Variants in FHOD3 observed in about 807,000 individuals in gnomAD.
The protein encoded by FHOD3 is formin homology 2 domain containing 3, also known as FH1/FH2 domain-containing protein 3.
Under a neutral mutation model 173.0 loss-of-function variants are expected in FHOD3, and 90 were observed. That is an observed-to-expected ratio of 0.52 (90% confidence interval 0.44 to 0.62). The LOEUF is 0.62. Ranked by LOEUF, FHOD3 falls within the 20% of genes least tolerant of loss-of-function variation. FHOD3 has a pLI of 0.00. For missense variants in FHOD3, 1,945 were observed against 2,034.7 expected (o/e 0.96, Z 0.85); for synonymous variants, 828 against 823.0 (o/e 1.01, Z -0.10).
chr18:36,497,527 G>T (rs933118194), intron 3 of FHOD3, among the ~76,000 whole-genome samples: 5 of 152,126 alleles, frequency 3.3e-5, no homozygotes, highest in Non-Finnish European at 7.4e-5. Context: ...GATAGAAAAA[G>T]ATACACCATT....
chr18:36,706,791 T>G (rs1261944914), intron 17 of FHOD3, among the ~76,000 whole-genome samples: 1 of 152,202 alleles, frequency 6.6e-6, no homozygotes. Flanking sequence ...CACCATATGC[T>G]TACCAATTAA....
intron 14 of FHOD3, among the ~76,000 whole-genome samples, chr18:36,661,539 A>G (rs2036802631): frequency 6.6e-6 from 1 of 152,176 alleles, no homozygotes; most frequent in Non-Finnish European, 1.5e-5. Flanking sequence ...AGGAAGTTCT[A>G]GAACTTCATT....
At chr18:36,575,898 G>C (rs1043214678) in intron 5 of FHOD3, among the ~76,000 whole-genome samples, 1 of 152,210 alleles carries the variant, frequency 6.6e-6, no homozygotes, top group Non-Finnish European at 1.5e-5. Flanking sequence ...GTATTTTCAT[G>C]ATACCTGATG....
chr18:36,418,765 A>G (rs1293213730), intron 3 of FHOD3, among the ~76,000 whole-genome samples: 1 of 152,060 alleles, frequency 6.6e-6, no homozygotes, highest in East Asian at 1.9e-4. Flanking sequence ...AATACAAAAA[A>G]TTAGCTGGGC....
At chr18:36,728,361 C>G (rs1050830480) in intron 19 of FHOD3, among the ~76,000 whole-genome samples, 4 of 152,196 alleles carry the variant, frequency 2.6e-5, no homozygotes, top group Non-Finnish European at 4.4e-5. Context: ...GCATTCCACA[C>G]ACAACATAAA....
rs1457455251 is a variant in FHOD3 at position 36,760,693 on chromosome 18, A to G, written c.4535A>G (p.Asn1512Ser). 3 of 1,613,308 alleles carry G rather than the reference A, an allele frequency of 1.9e-6. No homozygotes were observed. The East Asian group carries it at 6.7e-5, about 36-fold the overall frequency. ...SYAEDAAEHE[N>S]MKAVLKTSSP... ...GCGGAGGACGCGGCTGAGCACGAGA[A>G]CATGAAGGCTGTGCTGAAAACCTCG... Residue 1512 changes from asparagine (N) to serine (S), a missense_variant, in exon 27 of 29, where the codon AAC becomes AGC. Physicochemically the swap from Asn to Ser is conservative, Grantham distance 46. This residue lies in a region of FHOD3 where 354 missense variants were observed against 359.9 expected (regional missense o/e 0.98). Transcript: ENST00000590592.
chr18:36,359,546 CCTCTGATA>C (rs1182362575), intron 2 of FHOD3, among the ~76,000 whole-genome samples: 1 of 152,134 alleles, frequency 6.6e-6, no homozygotes, highest in African/African-American at 2.4e-5. Flanking sequence ...AGCCACTTTA[CCTCTGATA>C]GGAGTTCATA....
chr18:36,646,771 G>T (rs1378233074), intron 10 of FHOD3, among the ~76,000 whole-genome samples: 1 of 152,108 alleles, frequency 6.6e-6, no homozygotes. Flanking sequence ...TTAAGACCTG[G>T]TGTAAACAAC....
intron 28 of FHOD3, among the ~76,000 whole-genome samples, chr18:36,775,996 G>A (rs1600673102): frequency 6.6e-6 from 1 of 152,202 alleles, no homozygotes; most frequent in Admixed American, 6.5e-5. Context: ...ATTTGAGTGG[G>A]AAGTGGAAAT....
At chr18:36,592,427 C>T (rs531748361) in intron 6 of FHOD3, among the ~76,000 whole-genome samples, 348 of 152,340 alleles carry the variant, frequency 2.3e-3, no homozygotes, top group Non-Finnish European at 4.4e-3. Context: ...GTGTGAAAAA[C>T]GCTCACACAA....
Position 36,353,544 on chromosome 18 carries a change from A to G in FHOD3, c.166-1995A>G, listed in dbSNP as rs997072307. Among the ~76,000 whole-genome samples, 8 of 152,310 alleles carry G rather than the reference A, an allele frequency of 5.3e-5. No individual in the cohort carries two copies. In the East Asian group the frequency reaches 1.2e-3, roughly 22 times the overall value. On this transcript the variant is annotated intron_variant, in intron 1 of 28. Transcript: ENST00000590592. The stretch of plus-strand genomic sequence containing the variant: ...CATCTAGATGTTTTAAAGTAACCAC[A>G]TATTTGTCTCCACTTTTCCCCTAGC...
intron 5 of FHOD3, among the ~76,000 whole-genome samples, chr18:36,568,326 C>CAAAAAAAAAAAA (rs71168234): frequency 4.2e-5 from 1 of 24,046 alleles, no homozygotes; most frequent in African/African-American, 1.6e-4. Flanking sequence ...GACTCTGTCT[C>CAAAAAAAAAAAA]AAAAAAAAAA....
chr18:36,655,844 G>T (rs2036393023), intron 13 of FHOD3, among the ~76,000 whole-genome samples: 1 of 152,150 alleles, frequency 6.6e-6, no homozygotes, highest in African/African-American at 2.4e-5. Flanking sequence ...TAGACTATGA[G>T]GCATTTGAAT....
chr18:36,763,515 C>T (rs1187929240), intron 27 of FHOD3, among the ~76,000 whole-genome samples: 11 of 138,094 alleles, frequency 8.0e-5, no homozygotes, highest in African/African-American at 2.9e-4. Flanking sequence ...GTGTATTATA[C>T]ACGTTATATA....
chr18:36,481,019 G>GGT (rs2053856366), intron 3 of FHOD3, among the ~76,000 whole-genome samples: 1 of 77,786 alleles, frequency 1.3e-5, no homozygotes, highest in East Asian at 4.0e-4. Flanking sequence ...ATTGGGAGGT[G>GGT]GTTTTTTTTT....
rs1203833127 is a variant in FHOD3, at chr18:36,402,536, C to CACACACACACAT, written c.337+29801_337+29802insCATACACACACA. 7.9e-5 allele frequency among the ~76,000 whole-genome samples: 12 copies of CACACACACACAT among 151,744 alleles called. No homozygotes were observed. In the East Asian group the frequency reaches 1.4e-3, roughly 17 times the overall value. ...ACACACACACACACACACACACACA[C>CACACACACACAT]ACACACACATATGAAAATACCCCAG... On this transcript the variant is annotated intron_variant, in intron 3 of 28. Coordinates refer to ENST00000590592, the MANE Select transcript of FHOD3 (RefSeq NM_001281740.3).
intron 3 of FHOD3, among the ~76,000 whole-genome samples, chr18:36,454,796 T>A (rs766382887): frequency 6.6e-6 from 1 of 152,104 alleles, no homozygotes; most frequent in Non-Finnish European, 1.5e-5. Flanking sequence ...TATTCCAGCA[T>A]CTAACTGCGC....
At chr18:36,601,330 T>C (rs2031353838) in intron 7 of FHOD3, among the ~76,000 whole-genome samples, 1 of 152,220 alleles carries the variant, frequency 6.6e-6, no homozygotes, top group Admixed American at 6.5e-5. Context: ...TTACGTCTTG[T>C]AGTAAGTAGG....
chr18:36,357,665 A>C (rs2046423100), intron 2 of FHOD3, among the ~76,000 whole-genome samples: 1 of 152,240 alleles, frequency 6.6e-6, no homozygotes, highest in Non-Finnish European at 1.5e-5. Flanking sequence ...GGGATGTTCC[A>C]TTGCAATAGT....
Sources: gnomAD v4.1 joint callset for allele counts (sites outside exome capture counted in the v4.1 genomes callset) on GRCh38, gnomAD v4.1.1 for gene constraint, gnomAD v4.1.1 regional missense constraint, MANE v1.5 for transcripts, NCBI Gene and HGNC (gene_info 2026-07-23, HGNC 2026-07-21) for gene names.